Variants in TSHZ2 observed in about 807,000 individuals in gnomAD.
The protein encoded by TSHZ2 is teashirt homolog 2.
Under a neutral mutation model 74.4 loss-of-function variants are expected in TSHZ2, and 21 were observed. That is an observed-to-expected ratio of 0.28 (90% CI 0.20 to 0.41). The LOEUF is 0.41. TSHZ2 is among the 10% of genes least tolerant of loss of function. The pLI, the probability that TSHZ2 is intolerant of heterozygous loss-of-function variation, is 1.00. For synonymous variants in TSHZ2, 540 were observed against 515.3 expected (o/e 1.05, Z -0.65); for missense variants, 1,244 against 1,293.5 (o/e 0.96, Z 0.59).
chr20:53,341,395 T>C (rs1980196617), intron 2 of TSHZ2, among the ~76,000 whole-genome samples: 1 of 152,140 alleles, frequency 6.6e-6, no homozygotes, highest in African/African-American at 2.4e-5. Context: ...GACATAAAAT[T>C]GTCAGTCCTA....
chr20:53,000,152 AC>A (rs1159192923), intron 1 of TSHZ2, among the ~76,000 whole-genome samples: 7 of 152,242 alleles, frequency 4.6e-5, no homozygotes, highest in Non-Finnish European at 1.5e-5. Context: ...GGGTTGACAA[AC>A]TGTGACCTGT....
intron 2 of TSHZ2, among the ~76,000 whole-genome samples, chr20:53,436,518 T>A (rs1396094422): frequency 6.7e-6 from 1 of 148,510 alleles, no homozygotes; most frequent in Non-Finnish European, 1.5e-5. Context: ...GGGCTTATTT[T>A]ATTTATTTAT....
intron 1 of TSHZ2, among the ~76,000 whole-genome samples, chr20:53,090,814 A>G (rs1985862320): frequency 6.6e-6 from 1 of 152,178 alleles, no homozygotes; most frequent in African/African-American, 2.4e-5. Context: ...CACACTCCTA[A>G]GCTTCAAGCC....
At chr20:53,285,796 C>G in intron 2 of TSHZ2, among the ~76,000 whole-genome samples, 1 of 151,940 alleles carries the variant, frequency 6.6e-6, no homozygotes, top group East Asian at 1.9e-4. Context: ...ATGTTCTGAG[C>G]CATTAGGGTT....
chr20:53,154,265 G>T (rs1987741111), intron 1 of TSHZ2, among the ~76,000 whole-genome samples: 1 of 152,114 alleles, frequency 6.6e-6, no homozygotes. Context: ...AGTTTTGTTA[G>T]GAAAGGGGAA....
At chr20:53,152,974 G>A (rs149890596) in intron 1 of TSHZ2, among the ~76,000 whole-genome samples, 219 of 152,302 alleles carry the variant, frequency 1.4e-3, no homozygotes, top group African/African-American at 5.2e-3. Context: ...AGCTGACAGA[G>A]GAATGAGTAG....
intron 1 of TSHZ2, among the ~76,000 whole-genome samples, chr20:52,987,290 G>C (rs779211494): frequency 6.6e-6 from 1 of 152,188 alleles, no homozygotes; most frequent in Non-Finnish European, 1.5e-5. Flanking sequence ...CAAATTTGCA[G>C]ATTCCAGACC....
intron 1 of TSHZ2, among the ~76,000 whole-genome samples, chr20:53,081,107 C>A (rs994021343): frequency 7.9e-5 from 12 of 152,320 alleles, no homozygotes; most frequent in Admixed American, 3.9e-4. Flanking sequence ...CCTCAAACTG[C>A]TGGGCTCAAG....
At chr20:53,146,214 T>C (rs914880512) in intron 1 of TSHZ2, among the ~76,000 whole-genome samples, 2 of 143,328 alleles carry the variant, frequency 1.4e-5, no homozygotes, top group Non-Finnish European at 3.2e-5. Context: ...CAAAGTGAAC[T>C]CAAATCATCA....
chr20:53,269,592 G>A (rs1208487298), intron 2 of TSHZ2, among the ~76,000 whole-genome samples: 4 of 152,104 alleles, frequency 2.6e-5, no homozygotes, highest in Admixed American at 2.6e-4. Flanking sequence ...GTGATGAGGA[G>A]GAGGAGGAGG....
intron 1 of TSHZ2, among the ~76,000 whole-genome samples, chr20:53,215,068 C>T (rs1989403609): frequency 6.6e-6 from 1 of 152,126 alleles, no homozygotes; most frequent in South Asian, 2.1e-4. Context: ...TGTCCTCCTG[C>T]AGAAATGCAG....
intron 1 of TSHZ2, among the ~76,000 whole-genome samples, chr20:53,084,040 A>T (rs1347304846): frequency 6.6e-6 from 1 of 152,166 alleles, no homozygotes; most frequent in East Asian, 1.9e-4. Context: ...TAGCTAAGGT[A>T]TTTTTCATAA....
In TSHZ2 at chr20:52,994,593, A is replaced by G. The variant is rs1405005140; in HGVS notation, c.40+21260A>G. 2.6e-5 allele frequency among the ~76,000 whole-genome samples: 4 copies of G among 152,234 alleles called. 1 individual carries two copies. The highest frequency in any genetic ancestry group is 2.0e-4 in the Admixed American group (3 of 15,294). ...GATTTTATCACAGGTGGGCCCTGAC[A>G]TTTTCATTAGCAATGGTTCCCTTGA... On this transcript the variant is annotated intron_variant, in intron 1 of 2. Transcript: ENST00000371497.
chr20:53,449,525 T>C (rs73278287), intron 2 of TSHZ2, among the ~76,000 whole-genome samples: 148 of 152,306 alleles, frequency 9.7e-4, no homozygotes, highest in African/African-American at 3.3e-3. Flanking sequence ...GTGGGTAAGA[T>C]AGACAAATAA....
At chr20:53,085,022 ATG>A (rs1173177070) in intron 1 of TSHZ2, among the ~76,000 whole-genome samples, 1 of 152,078 alleles carries the variant, frequency 6.6e-6, no homozygotes, top group African/African-American at 2.4e-5. Flanking sequence ...TATCATATAC[ATG>A]AAGAATTTAG....
intron 1 of TSHZ2, among the ~76,000 whole-genome samples, chr20:53,133,174 TC>T (rs1435118716): frequency 6.6e-6 from 1 of 152,228 alleles, no homozygotes; most frequent in Non-Finnish European, 1.5e-5. Flanking sequence ...CTCACCTTCT[TC>T]CAACTGGCTT....
intron 1 of TSHZ2, among the ~76,000 whole-genome samples, chr20:53,175,816 C>T (rs1988324016): frequency 6.6e-6 from 1 of 152,200 alleles, no homozygotes; most frequent in Admixed American, 6.6e-5. Flanking sequence ...AGACTGACTT[C>T]CCCCAACCTT....
chr20:53,444,996 G>T (rs545249357), intron 2 of TSHZ2, among the ~76,000 whole-genome samples: 4 of 152,186 alleles, frequency 2.6e-5, no homozygotes, highest in Non-Finnish European at 5.9e-5. Context: ...GGCCGATGTG[G>T]TTCAGTAACC....
At position 53,477,847 on chromosome 20, in the gene TSHZ2, C is replaced by T. The variant is rs1483885973; in HGVS notation, c.*9-9297C>T. Reference sequence around the variant, plus strand: ...ACAAACAACCCCATCAAAAAGTGGGCGAAGGACATGAACAGACACTTCTCA... The same window carrying T: ...ACAAACAACCCCATCAAAAAGTGGGTGAAGGACATGAACAGACACTTCTCA... On this transcript the variant is annotated intron_variant, in intron 2 of 2. Coordinates refer to ENST00000371497, the MANE Select transcript of TSHZ2 (RefSeq NM_173485.6). Among the ~76,000 whole-genome samples, 308 of 147,696 alleles carry T rather than the reference C, an allele frequency of 2.1e-3. 2 individuals are homozygous for T. Among genetic ancestry groups the T allele is most frequent in the Middle Eastern group, 7.0e-3 (2 of 286 alleles).
Sources: gnomAD v4.1 joint callset for allele counts (sites outside exome capture counted in the v4.1 genomes callset) on GRCh38, gnomAD v4.1.1 for gene constraint, MANE v1.5 for transcripts, NCBI Gene and HGNC (gene_info 2026-07-23, HGNC 2026-07-21) for gene names.